ZNF77: variants seen among roughly 807,000 people sequenced by gnomAD.
The protein encoded by ZNF77 is ZNFpT1.
A neutral mutation model predicts 13.5 loss-of-function variants in ZNF77; 15 were observed. The observed-to-expected ratio is 1.11, with a 90% CI of 0.74 to 1.71. The LOEUF is 1.71. Ranked by LOEUF, ZNF77 falls within the 40% of genes most tolerant of loss-of-function variation. The probability of loss-of-function intolerance (pLI) is 0.00; values close to 1 mark genes in which losing one functional copy is unlikely to be tolerated. For synonymous variants in ZNF77, 282 were observed against 250.0 expected (o/e 1.13, Z -1.21); for missense variants, 717 against 676.4 (o/e 1.06, Z -0.67).
rs139100623 is a variant in ZNF77, at chr19:2,933,604, C to T, written c.1523G>A (p.Arg508His). 1.8e-4 allele frequency: 296 copies of T among 1,614,080 alleles called. No individual in the cohort carries two copies. The highest frequency in any genetic ancestry group is 1.1e-4 in the Non-Finnish European group (134 of 1,179,958). The stretch of plus-strand genomic sequence containing the variant: ...TCCAGTGTGCGTTCTCACGTGCACA[C>T]GAAGGGACGAGGAACAACTGTAGGC... ...GKAYSCSSSLRVHVRTHTGER... is the reference protein window; with the variant it reads ...GKAYSCSSSLHVHVRTHTGER... The change falls in exon 4 of 4, where the codon CGT (arginine) becomes CAT (histidine). Residue 508 changes from arginine to histidine, a missense_variant. Arg to His is a conservative substitution (Grantham distance 29). Coordinates refer to ENST00000314531, the MANE Select transcript of ZNF77 (RefSeq NM_021217.3).
intron 1 of ZNF77, chr19:2,939,634 T>G (rs1417362216): frequency 1.9e-6 from 1 of 535,118 alleles, no homozygotes; most frequent in African/African-American, 1.9e-5. Flanking sequence ...AAAGAATTAC[T>G]GAGAAACGGC....
chr19:2,938,673 T>G (rs1006113789), intron 2 of ZNF77, among the ~76,000 whole-genome samples: 3 of 152,134 alleles, frequency 2.0e-5, no homozygotes, highest in African/African-American at 7.2e-5. Flanking sequence ...CAAGGTATCT[T>G]AGGCCGGGCG....
intron 1 of ZNF77, among the ~76,000 whole-genome samples, chr19:2,944,005 C>T (rs534947953): frequency 3.3e-5 from 5 of 152,040 alleles, no homozygotes; most frequent in African/African-American, 9.6e-5. Flanking sequence ...CCACCGCGCC[C>T]GGCCCAGGAT....
In ZNF77 at chr19:2,934,126, G is replaced by A; in HGVS notation, c.1001C>T (p.Thr334Ile). 6.2e-7 allele frequency: 1 copy of A among 1,611,416 alleles called. No homozygotes were observed. ...CQCKHCGKAF[T>I]CYSSLREHGR... ...ATGTTCTCGAAGAGACGAGTAACAA[G>A]TGAACGCTTTTCCGCAATGTTTACA... The change falls in exon 4 of 4, where the codon ACT becomes ATT. Residue 334 changes from threonine (T) to isoleucine (I), a missense_variant. By Grantham distance (89) the Thr-to-Ile change is moderately conservative (BLOSUM62 -1). Coordinates refer to ENST00000314531, the MANE Select transcript of ZNF77 (RefSeq NM_021217.3).
chr19:2,936,499 A>T, intron 3 of ZNF77, 25 bp downstream of exon 3: 4 of 1,564,784 alleles, frequency 2.6e-6, no homozygotes, highest in Non-Finnish European at 3.4e-6. Flanking sequence ...GGAGAGGCCC[A>T]TCCCTCCGGT....
At chr19:2,943,495 CCT>C (rs927587587) in intron 1 of ZNF77, among the ~76,000 whole-genome samples, 14 of 151,818 alleles carry the variant, frequency 9.2e-5, no homozygotes, top group African/African-American at 3.4e-4. Flanking sequence ...TGTGGAGTCC[CCT>C]GTCACCTCCC....
intron 1 of ZNF77, among the ~76,000 whole-genome samples, 158 bp downstream of exon 1, chr19:2,944,679 AC>A (rs770542716): frequency 7.3e-5 from 11 of 151,690 alleles, no homozygotes; most frequent in Non-Finnish European, 1.6e-4. Flanking sequence ...CCCCAGCCCT[AC>A]CCCTCGGCCG....
At chr19:2,940,047 T>C (rs1326777305) in intron 1 of ZNF77, among the ~76,000 whole-genome samples, 1 of 152,026 alleles carries the variant, frequency 6.6e-6, no homozygotes, top group Non-Finnish European at 1.5e-5. Context: ...AATTTTATTA[T>C]TTCTTATTCA....
chr19:2,944,760 C>T lies in ZNF77; in HGVS notation c.3+78G>A, dbSNP rs1599623617. 24 of 1,465,526 alleles carry T rather than the reference C, an allele frequency of 1.6e-5. No homozygotes were observed. In the South Asian group the frequency reaches 2.9e-4, roughly 18 times the overall value. 90.8% of individuals were successfully genotyped at this position (1,465,526 alleles called of 1,614,324 possible). ...CCGCGCGTCCCTCAGCTTTCTCCGG[C>T]TGCGAACTCGGGCGGAAGCCGGTTC... On this transcript the variant is annotated intron_variant, in intron 1 of 3. Coordinates refer to ENST00000314531, the MANE Select transcript of ZNF77 (RefSeq NM_021217.3).
At chr19:2,941,295 T>C (rs367645617) in intron 1 of ZNF77, among the ~76,000 whole-genome samples, 1 of 150,528 alleles carries the variant, frequency 6.6e-6, no homozygotes, top group South Asian at 2.1e-4. Context: ...CTGGCCAACA[T>C]GGTGAAACCG....
chr19:2,935,380 TG>T (rs1427237239), intron 3 of ZNF77, among the ~76,000 whole-genome samples: 1 of 132,206 alleles, frequency 7.6e-6, no homozygotes, highest in African/African-American at 2.9e-5. Flanking sequence ...TGCAATGGCA[TG>T]ATCTCAGCTC....
Position 2,934,025 on chromosome 19 carries a change from G to C in ZNF77, c.1102C>G (p.Arg368Gly). The change falls in exon 4 of 4, where the codon CGA becomes GGA. Residue 368 changes from arginine to glycine, a missense_variant. Physicochemically the swap from Arg to Gly is moderately radical, Grantham distance 125. Transcript: ENST00000314531. The stretch of plus-strand genomic sequence containing the variant: ...CCGGTGTGCATTCTCATGTGTGCTC[G>C]CAGAGAGGAGGGGTACCTGAAGGCT... The part of the protein sequence containing the change: ...GKAFRYPSSL[R>G]AHMRMHTGEK... The C allele has an allele frequency of 6.2e-7, 1 of 1,614,094 alleles. No individual in the cohort carries two copies.
At chr19:2,936,068 A>T (rs1189638073) in intron 3 of ZNF77, among the ~76,000 whole-genome samples, 7 of 142,994 alleles carry the variant, frequency 4.9e-5, no homozygotes, top group Middle Eastern at 3.5e-3. Flanking sequence ...AATAAAAGTA[A>T]TTATTAAAAT....
intron 1 of ZNF77, among the ~76,000 whole-genome samples, chr19:2,941,518 T>G (rs535477014): frequency 6.5e-4 from 99 of 152,142 alleles, no homozygotes; most frequent in African/African-American, 2.3e-3. Context: ...AAATCACCAC[T>G]TTCAGCCCGT....
In ZNF77 at chr19:2,934,601, A is replaced by G; in HGVS notation, c.526T>C (p.Cys176Arg). The G allele has an allele frequency of 6.2e-7, 1 of 1,614,144 alleles. No individual in the cohort carries two copies. The highest frequency in any genetic ancestry group is 8.5e-7 in the Non-Finnish European group (1 of 1,179,994). ...TGCGTTTTCATAGGAGGGCTTTGGC[A>G]GGAGAGGCAGCTGCAGGCTTGCCCA... is the stretch of plus-strand genomic sequence containing the variant. ...ECGQACSCLS[C>R]QSPPMKTQTV... is the part of the protein sequence containing the mutation. The change falls in exon 4 of 4, where the codon TGC becomes CGC. Residue 176 changes from cysteine (C) to arginine (R), a missense_variant. Coordinates refer to ENST00000314531, the MANE Select transcript of ZNF77 (RefSeq NM_021217.3).
chr19:2,943,021 A>T (rs1260045104), intron 1 of ZNF77, among the ~76,000 whole-genome samples: 4 of 152,050 alleles, frequency 2.6e-5, no homozygotes, highest in Non-Finnish European at 5.9e-5. Flanking sequence ...ACCTCAGGTG[A>T]TCCACCTGCC....
intron 1 of ZNF77, 90 bp from the exon 2 acceptor site, chr19:2,939,497 G>C: frequency 6.4e-7 from 1 of 1,555,748 alleles, no homozygotes; most frequent in Non-Finnish European, 8.7e-7. Context: ...CTGGGGAACT[G>C]AGCCACACAG....
chr19:2,936,856 A>C, intron 2 of ZNF77, 152 bp from the exon 3 acceptor site: 1 of 720,616 alleles, frequency 1.4e-6, no homozygotes, highest in Non-Finnish European at 2.2e-6. Context: ...TGAGGACCTC[A>C]TCTACTTGAG....
At chr19:2,934,871 A>C in intron 3 of ZNF77, 56 bp from the exon 4 acceptor site, 1 of 1,524,430 alleles carries the variant, frequency 6.6e-7, no homozygotes, top group Non-Finnish European at 8.8e-7. Context: ...TGATTAATTT[A>C]TTAATGGTTT....
Sources: gnomAD v4.1 joint callset for allele counts (sites outside exome capture counted in the v4.1 genomes callset) on GRCh38, gnomAD v4.1.1 for gene constraint, MANE v1.5 for transcripts, NCBI Gene and HGNC (gene_info 2026-07-23, HGNC 2026-07-21) for gene names.